Variants in XPO7 observed in about 807,000 individuals in gnomAD.
XPO7 encodes the protein exportin 7.
In XPO7, 21 loss-of-function variants were observed where a neutral mutation model predicts 144.3. That is an observed-to-expected ratio of 0.15 (90% confidence interval 0.10 to 0.21). The LOEUF (loss-of-function observed/expected upper bound fraction) is 0.21, where lower values mean the gene tolerates loss of function less well. Ranked by LOEUF, XPO7 falls within the 10% of genes least tolerant of loss-of-function variation. The pLI, the probability that XPO7 is intolerant of heterozygous loss-of-function variation, is 1.00. For synonymous variants in XPO7, 580 were observed against 499.6 expected (o/e 1.16, Z -2.15); for missense variants, 808 against 1,325.8 (o/e 0.61, Z 6.06).
At chr8:21,962,724 T>G (rs139548184) in intron 1 of XPO7, among the ~76,000 whole-genome samples, 25 of 152,326 alleles carry the variant, frequency 1.6e-4, no homozygotes, top group African/African-American at 4.8e-4. Context: ...TTCTATAAAT[T>G]TACTAACATG....
chr8:21,969,646 A>T, intron 3 of XPO7, 70 bp downstream of exon 3: 5 of 1,358,306 alleles, frequency 3.7e-6, no homozygotes, highest in Non-Finnish European at 5.2e-6. Context: ...TAATAGTCAA[A>T]TGTACGTGTT....
intron 11 of XPO7, among the ~76,000 whole-genome samples, chr8:21,984,442 A>G (rs1337134634): frequency 6.6e-6 from 1 of 152,192 alleles, no homozygotes; most frequent in African/African-American, 2.4e-5. Context: ...AACAAGCAGA[A>G]TATACCTAAG....
intron 1 of XPO7, among the ~76,000 whole-genome samples, chr8:21,921,155 A>G (rs1331149814): frequency 1.3e-5 from 2 of 152,226 alleles, no homozygotes; most frequent in Non-Finnish European, 2.9e-5. Flanking sequence ...TAATAATGAT[A>G]ATAATAATAG....
intron 4 of XPO7, 57 bp downstream of exon 4, chr8:21,970,367 T>TAAAC: frequency 7.0e-7 from 1 of 1,435,402 alleles, no homozygotes; most frequent in Non-Finnish European, 9.5e-7. Flanking sequence ...TACATATATA[T>TAAAC]AAACACACAC....
intron 1 of XPO7, among the ~76,000 whole-genome samples, chr8:21,959,115 C>T (rs1319911562): frequency 6.6e-6 from 1 of 152,172 alleles, no homozygotes; most frequent in Admixed American, 6.5e-5. Context: ...ATTACAAATA[C>T]ATTTTAGTGA....
chr8:21,926,118 T>G (rs964078695), intron 1 of XPO7, among the ~76,000 whole-genome samples: 2 of 152,158 alleles, frequency 1.3e-5, no homozygotes, highest in Admixed American at 6.5e-5. Context: ...GCCCCTGGGT[T>G]TTAAACCTCT....
intron 19 of XPO7, among the ~76,000 whole-genome samples, chr8:21,993,041 A>C (rs796376861): frequency 4.6e-5 from 7 of 152,330 alleles, no homozygotes; most frequent in African/African-American, 1.7e-4. Context: ...GGTAGACAGA[A>C]AGCAACAACA....
rs181338282 is a variant in XPO7, at chr8:21,952,582, T to G, written c.19-14275T>G. ...TATGAGCATTACTTTGAAATGACTT[T>G]ATAAATTTAACTAATCGAAGGACTT... On this transcript the variant is annotated intron_variant, in intron 1 of 27. Transcript: ENST00000252512. Among the ~76,000 whole-genome samples, 925 of 152,338 alleles carry G rather than the reference T, an allele frequency of 6.1e-3. 11 individuals carry two copies. The highest frequency in any genetic ancestry group is 0.021 in the African/African-American group (889 of 41,570).
At chr8:21,956,883 GCTGT>G (rs1811553688) in intron 1 of XPO7, among the ~76,000 whole-genome samples, 1 of 151,888 alleles carries the variant, frequency 6.6e-6, no homozygotes, top group Non-Finnish European at 1.5e-5. Context: ...TGCTTGTTTA[GCTGT>G]CTATCTTCCA....
At chr8:21,975,059 C>T (rs1812182630) in intron 6 of XPO7, among the ~76,000 whole-genome samples, 1 of 152,190 alleles carries the variant, frequency 6.6e-6, no homozygotes, top group Admixed American at 6.5e-5. Context: ...TCTAGTTTAC[C>T]TAACTCAGAG....
chr8:21,967,617 G>A (rs1811927558), intron 2 of XPO7, among the ~76,000 whole-genome samples: 2 of 152,140 alleles, frequency 1.3e-5, no homozygotes, highest in Non-Finnish European at 2.9e-5. Flanking sequence ...ACAGACGTGA[G>A]CCACCACACC....
intron 16 of XPO7, among the ~76,000 whole-genome samples, chr8:21,989,998 C>T (rs1267371243): frequency 6.6e-6 from 1 of 150,996 alleles, no homozygotes; most frequent in Non-Finnish European, 1.5e-5. Flanking sequence ...TACAGGCACC[C>T]GCCACCATGC....
chr8:21,984,325 C>A (rs1471308497), intron 11 of XPO7, among the ~76,000 whole-genome samples: 1 of 151,984 alleles, frequency 6.6e-6, no homozygotes, highest in Non-Finnish European at 1.5e-5. Context: ...CAAGAACAAG[C>A]GAAAGACTAA....
rs139661400 is a variant in XPO7 at position 21,935,678 on chromosome 8, T to C, written c.18+15890T>C. Among the ~76,000 whole-genome samples the C allele has an allele frequency of 2.0e-3, 308 of 152,342 alleles. 1 individual carries two copies. Among genetic ancestry groups the C allele is most frequent in the African/African-American group, 6.9e-3 (286 of 41,580 alleles). ...GAAGCAAGATCTAAATTTTAATCCA[T>C]TTAGTAGTGGTGTAGTAGTGTAGTA... On this transcript the variant is annotated intron_variant, in intron 1 of 27. Coordinates refer to ENST00000252512, the MANE Select transcript of XPO7 (RefSeq NM_015024.5).
intron 1 of XPO7, among the ~76,000 whole-genome samples, chr8:21,929,416 A>G (rs950292740): frequency 1.3e-5 from 2 of 152,254 alleles, no homozygotes; most frequent in Admixed American, 6.5e-5. Flanking sequence ...TTAACTCATA[A>G]AAGAAATTCA....
chr8:21,921,648 ATGT>A (rs1279406788), intron 1 of XPO7: 3 of 152,208 alleles, frequency 2.0e-5, no homozygotes, highest in Admixed American at 6.5e-5. Flanking sequence ...TTTTAGTAAG[ATGT>A]TGTTCTCCCA....
intron 1 of XPO7, among the ~76,000 whole-genome samples, chr8:21,963,783 T>C (rs1364340450): frequency 6.6e-6 from 1 of 151,844 alleles, no homozygotes; most frequent in African/African-American, 2.4e-5. Context: ...CTTTGTGGAG[T>C]AATATAACAT....
At chr8:21,995,732 G>T in intron 21 of XPO7, 133 bp downstream of exon 21, 1 of 644,462 alleles carries the variant, frequency 1.6e-6, no homozygotes, top group Non-Finnish European at 2.5e-6. Context: ...AAAAGTTTTT[G>T]TGTTTTTGTT....
intron 21 of XPO7, among the ~76,000 whole-genome samples, chr8:21,997,570 G>C (rs2117397409): frequency 6.6e-6 from 1 of 152,324 alleles, no homozygotes; most frequent in East Asian, 1.9e-4. Context: ...GGTTGGTGGG[G>C]GGAGGCTGTG....
Sources: allele counts gnomAD v4.1 joint callset (sites outside exome capture counted in the v4.1 genomes callset), GRCh38; gene constraint gnomAD v4.1.1; transcripts MANE v1.5; gene names NCBI Gene and HGNC (gene_info 2026-07-23, HGNC 2026-07-21).